Variants in CTSH observed in about 807,000 individuals in gnomAD.
CTSH encodes the protein cathepsin H, also known as pro-cathepsin H.
In CTSH, 52 loss-of-function variants were observed where a neutral mutation model predicts 56.3. That is an observed-to-expected ratio of 0.92 (90% CI 0.74 to 1.16). The LOEUF is 1.16. Ranked by LOEUF, CTSH falls within the 50% of genes most tolerant of loss-of-function variation. The pLI is 0.00. For missense variants in CTSH, 406 were observed against 424.5 expected (o/e 0.96, Z 0.38); for synonymous variants, 174 against 155.7 (o/e 1.12, Z -0.88).
chr15:78,944,716 C>A (rs1472235942), intron 1 of CTSH, 175 bp downstream of exon 1: 6 of 1,237,518 alleles, frequency 4.8e-6, no homozygotes, highest in African/African-American at 1.6e-5. Context: ...CCTCCGAGAA[C>A]CCCCGCCTAT....
chr15:78,924,196 G>A (rs2054848570), intron 10 of CTSH, among the ~76,000 whole-genome samples: 1 of 151,930 alleles, frequency 6.6e-6, no homozygotes. Context: ...GGCTGGGGTG[G>A]GGGCTGCAGG....
chr15:78,934,964 A>T lies in CTSH; in HGVS notation c.405+14T>A. 6.4e-7 allele frequency: 1 copy of T among 1,570,232 alleles called. No homozygotes were observed. Among genetic ancestry groups the T allele is most frequent in the Non-Finnish European group, 8.8e-7 (1 of 1,140,204 alleles). ...GCCGTTTTGCAGGGAGAGGATGGAG[A>T]TTGCCAGGCATACCTGATTTTTCAC... On this transcript the variant is annotated intron_variant, in intron 5 of 11. Transcript: ENST00000220166.
rs28566017 is a variant in CTSH, at chr15:78,935,570, G to C, written c.300+110C>G. The C allele has an allele frequency of 1.4e-4, 120 of 863,456 alleles. No homozygotes were observed. In the African/African-American group the frequency reaches 1.8e-3, roughly 13 times the overall value. 53.5% of individuals were successfully genotyped at this position (863,456 alleles called of 1,614,324 possible). A position where few individuals can be genotyped will look rare whatever the true frequency, so the allele number is the denominator to read the frequency against. ...CCCAAAGAATCTGGGGATACCCTCA[G>C]CTGCATCTGGGGATGGGACTGAATC... On this transcript the variant is annotated intron_variant, in intron 4 of 11. Coordinates refer to ENST00000220166, the MANE Select transcript of CTSH (RefSeq NM_004390.5).
At chr15:78,936,652 G>A (rs2141547144) in intron 3 of CTSH, among the ~76,000 whole-genome samples, 1 of 149,916 alleles carries the variant, frequency 6.7e-6, no homozygotes, top group South Asian at 2.1e-4. Flanking sequence ...TTTTTGAGAT[G>A]GAGTTTCACT....
At chr15:78,924,838 C>T (rs1265717495) in intron 10 of CTSH, among the ~76,000 whole-genome samples, 1 of 150,854 alleles carries the variant, frequency 6.6e-6, no homozygotes, top group Non-Finnish European at 1.5e-5. Flanking sequence ...TATAGGCATG[C>T]ACCACCACGC....
At chr15:78,941,914 A>T (rs1294959629) in intron 1 of CTSH, among the ~76,000 whole-genome samples, 1 of 152,248 alleles carries the variant, frequency 6.6e-6, no homozygotes, top group Non-Finnish European at 1.5e-5. Context: ...AAACATCAAA[A>T]GTAAAATTGT....
At chr15:78,927,832 A>C in intron 8 of CTSH, 51 bp from the exon 9 acceptor site, 22 of 1,469,194 alleles carry the variant, frequency 1.5e-5, no homozygotes, top group Non-Finnish European at 1.8e-5. Flanking sequence ...CCGAAGTCTC[A>C]GCCTCCCCAC....
At chr15:78,943,476 TG>T (rs1203122584) in intron 1 of CTSH, among the ~76,000 whole-genome samples, 1 of 152,194 alleles carries the variant, frequency 6.6e-6, no homozygotes, top group African/African-American at 2.4e-5. Context: ...GTGATCCGAC[TG>T]CCTCGGTCTC....
At chr15:78,928,674 AT>A (rs890250720) in intron 8 of CTSH, among the ~76,000 whole-genome samples, 3 of 151,392 alleles carry the variant, frequency 2.0e-5, no homozygotes, top group Admixed American at 2.0e-4. Flanking sequence ...CGGCATTCTG[AT>A]CGAGGCAGGC....
At chr15:78,932,716 G>A (rs545042049) in intron 5 of CTSH, among the ~76,000 whole-genome samples, 1 of 152,154 alleles carries the variant, frequency 6.6e-6, no homozygotes, top group Non-Finnish European at 1.5e-5. Flanking sequence ...TTGCAAAGGA[G>A]CAGGAGCAGC....
intron 10 of CTSH, 100 bp downstream of exon 10, chr15:78,925,234 A>C (rs1485560344): frequency 5.5e-6 from 4 of 730,914 alleles, no homozygotes; most frequent in Middle Eastern, 2.4e-4. Context: ...TCTGACACAC[A>C]GGAGTCTGGG....
chr15:78,931,952 T>A, intron 6 of CTSH: 9 of 1,164,592 alleles, frequency 7.7e-6, no homozygotes, highest in Non-Finnish European at 9.6e-6. Flanking sequence ...GGGGCTAGGA[T>A]AGTTCCTTCA....
At chr15:78,936,886 C>T (rs1349236394) in intron 3 of CTSH, 1 of 160,870 alleles carries the variant, frequency 6.2e-6, no homozygotes, top group Non-Finnish European at 1.4e-5. Flanking sequence ...ATCTCGGCCT[C>T]CCAAAGTGCT....
Position 78,932,454 on chromosome 15 carries a change from G to A in CTSH, c.410C>T (p.Ala137Val), listed in dbSNP as rs1176505372. 5 of 1,613,612 alleles carry A rather than the reference G, an allele frequency of 3.1e-6. No homozygotes were observed. The highest frequency in any genetic ancestry group is 8.5e-7 in the Non-Finnish European group (1 of 1,179,782). ...NFVSPVKNQG[A>V]CGSCWTFSTT... Reference sequence around the variant, plus strand: ...GGAGAAAGTCCAGCAACTGCCGCAGGCACCCTGGAAAGGCCAGGGGAGAGC... The same window carrying A: ...GGAGAAAGTCCAGCAACTGCCGCAGACACCCTGGAAAGGCCAGGGGAGAGC... The change falls in exon 6 of 12, where the codon GCC becomes GTC. Residue 137 changes from alanine to valine, a missense_variant. Coordinates refer to ENST00000220166, the MANE Select transcript of CTSH (RefSeq NM_004390.5).
In CTSH at chr15:78,941,448, A is replaced by T. The variant is rs1464324940; in HGVS notation, c.92-2277T>A. Among the ~76,000 whole-genome samples the T allele has an allele frequency of 5.6e-4, 83 of 147,694 alleles. 1 individual carries two copies. Among genetic ancestry groups the T allele is most frequent in the African/African-American group, 1.5e-3 (61 of 40,216 alleles). On this transcript the variant is annotated intron_variant, in intron 1 of 11. Transcript: ENST00000220166. ...AAAAAAAAAAAAAAAAAAAAAAAAAAAATTAAATGTTTTTACTACCTGTGA... is the reference window on the plus strand; with the variant it reads ...AAAAAAAAAAAAAAAAAAAAAAAAATAATTAAATGTTTTTACTACCTGTGA...
chr15:78,945,044 A>C lies in CTSH; in HGVS notation c.-63T>G. The C allele has an allele frequency of 8.6e-6, 11 of 1,278,508 alleles. No individual in the cohort carries two copies. Among genetic ancestry groups the C allele is most frequent in the Non-Finnish European group, 1.0e-5 (10 of 989,884 alleles). The allele number at this position is 1,278,508 out of a possible 1,614,324, so 79.2% of individuals were successfully genotyped here. A position where few individuals can be genotyped will look rare whatever the true frequency, so the allele number is the denominator to read the frequency against. ...GCGGAGGTGGCGGCCCAGAGCGTCA[A>C]CTGGGAGCGCGGGGGGGGAGCGGCA... is the stretch of plus-strand genomic sequence containing the variant. On this transcript the variant is annotated 5_prime_UTR_variant, in exon 1 of 12. Transcript: ENST00000220166.
rs2141510485 is a variant in CTSH, at chr15:78,922,124, CA to C, written c.*5del. 6.4e-6 allele frequency: 10 copies of C among 1,562,524 alleles called. No individual in the cohort carries two copies. The African/African-American group carries it at 6.8e-5, about 11-fold the overall frequency. On this transcript the variant is annotated 3_prime_UTR_variant, in exon 12 of 12. Coordinates refer to ENST00000220166, the MANE Select transcript of CTSH (RefSeq NM_004390.5). ...CTCCGCCAGTCTGCGCTGCGGCTGC[CA>C]CGGCTCACACCAGAGGGATGGGGTA...
intron 1 of CTSH, among the ~76,000 whole-genome samples, chr15:78,940,694 C>G (rs540771723): frequency 1.9e-4 from 29 of 152,212 alleles, no homozygotes; most frequent in Non-Finnish European, 3.8e-4. Context: ...TGTGGTGGCT[C>G]ACGCCTGTAA....
Position 78,939,173 on chromosome 15 carries a change from T to G in CTSH, c.92-2A>C. 1 of 1,552,822 alleles carries G rather than the reference T, an allele frequency of 6.4e-7. No homozygotes were observed. Among genetic ancestry groups the G allele is most frequent in the Non-Finnish European group, 8.7e-7 (1 of 1,147,278 alleles). On this transcript the variant is annotated splice_acceptor_variant, in intron 1 of 11. Coordinates refer to ENST00000220166, the MANE Select transcript of CTSH (RefSeq NM_004390.5). LOFTEE classifies it high-confidence loss of function. ...TCCATGACTTGAAGTGAAACTTCTCTGTAAAAAGAAAAAAAAAATTAGGTC... is the reference window on the plus strand; with the variant it reads ...TCCATGACTTGAAGTGAAACTTCTCGGTAAAAAGAAAAAAAAAATTAGGTC...
Sources: gnomAD v4.1 joint callset for allele counts (sites outside exome capture counted in the v4.1 genomes callset) on GRCh38, gnomAD v4.1.1 for gene constraint, MANE v1.5 for transcripts, NCBI Gene and HGNC (gene_info 2026-07-23, HGNC 2026-07-21) for gene names.